CWH43: variants seen among roughly 807,000 people sequenced by gnomAD.
CWH43 encodes cell wall biogenesis 43 C-terminal homolog, also known as PGAP2-interacting protein.
Under a neutral mutation model 85.7 loss-of-function variants are expected in CWH43, and 91 were observed. That is an observed-to-expected ratio of 1.06 (90% CI 0.90 to 1.26). The LOEUF (loss-of-function observed/expected upper bound fraction) is 1.26, where lower values mean the gene tolerates loss of function less well. Ranked by LOEUF, CWH43 falls within the 50% of genes most tolerant of loss-of-function variation. The probability of loss-of-function intolerance (pLI) is 0.00; values close to 1 mark genes in which losing one functional copy is unlikely to be tolerated. For missense variants in CWH43, 869 were observed against 839.2 expected, an observed-to-expected ratio of 1.04 and a Z score of -0.44; for synonymous variants, 323 against 293.6, an observed-to-expected ratio of 1.10 and a Z score of -1.02.
intron 6 of CWH43, among the ~76,000 whole-genome samples, chr4:48,999,705 G>T (rs1782929412): frequency 6.6e-6 from 1 of 152,180 alleles, no homozygotes; most frequent in African/African-American, 2.4e-5. Context: ...CACTCTTCAA[G>T]ATTCCTTGCT....
chr4:49,009,233 A>G (rs1256670077), intron 8 of CWH43, among the ~76,000 whole-genome samples: 1 of 152,068 alleles, frequency 6.6e-6, no homozygotes, highest in Non-Finnish European at 1.5e-5. Context: ...TTCTCTTTGT[A>G]GCAATTGTGA....
chr4:49,046,987 T>C (rs1784645150), intron 14 of CWH43, among the ~76,000 whole-genome samples: 1 of 152,306 alleles, frequency 6.6e-6, no homozygotes, highest in Admixed American at 6.5e-5. Context: ...TGTGGGCTCC[T>C]AGGACTGACT....
chr4:49,012,606 G>A (rs1451698777), intron 8 of CWH43, among the ~76,000 whole-genome samples: 2 of 152,152 alleles, frequency 1.3e-5, no homozygotes, highest in Non-Finnish European at 2.9e-5. Flanking sequence ...CCATCTTTGT[G>A]GTTTTATCTA....
At chr4:49,031,399 G>T (rs1207937526) in intron 11 of CWH43, 2 of 154,232 alleles carry the variant, frequency 1.3e-5, no homozygotes, top group East Asian at 1.9e-4. Context: ...TGGTCAGGAA[G>T]GTCTCTGCAA....
intron 10 of CWH43, among the ~76,000 whole-genome samples, chr4:49,029,968 T>C (rs1240713807): frequency 6.6e-6 from 1 of 152,336 alleles, no homozygotes; most frequent in Non-Finnish European, 1.5e-5. Context: ...GTCCTCTGTA[T>C]GCTGAGCACC....
chr4:49,049,855 C>T (rs1248180189), intron 14 of CWH43, among the ~76,000 whole-genome samples: 1 of 152,174 alleles, frequency 6.6e-6, no homozygotes, highest in Non-Finnish European at 1.5e-5. Context: ...GTCCTTCTTA[C>T]ACTGCATTCA....
At chr4:48,997,216 A>G (rs1335857252) in intron 5 of CWH43, among the ~76,000 whole-genome samples, 1 of 129,824 alleles carries the variant, frequency 7.7e-6, no homozygotes, top group East Asian at 2.1e-4. Context: ...ACACCTGGCT[A>G]ACTTAAAACT....
intron 7 of CWH43, among the ~76,000 whole-genome samples, chr4:49,005,596 G>C (rs1577664731): frequency 2.7e-5 from 3 of 112,204 alleles, no homozygotes; most frequent in African/African-American, 6.9e-5. Flanking sequence ...GTCTTGTTCT[G>C]TTCCTCCAGC....
chr4:49,045,434 T>A (rs1174228337), intron 14 of CWH43, among the ~76,000 whole-genome samples: 5 of 152,222 alleles, frequency 3.3e-5, no homozygotes, highest in Non-Finnish European at 7.3e-5. Flanking sequence ...TTAATGATAT[T>A]TTTGTTCAAT....
chr4:48,990,765 C>T (rs764028715), intron 2 of CWH43, among the ~76,000 whole-genome samples: 10 of 152,176 alleles, frequency 6.6e-5, no homozygotes, highest in Non-Finnish European at 1.0e-4. Flanking sequence ...GATCTAACAA[C>T]TCTATTCCTT....
intron 15 of CWH43, among the ~76,000 whole-genome samples, chr4:49,052,731 A>G (rs1784836731): frequency 6.6e-6 from 1 of 152,254 alleles, no homozygotes; most frequent in Non-Finnish European, 1.5e-5. Flanking sequence ...TAGTAAAGGC[A>G]TAAATAGAAG....
At chr4:49,016,596 T>C (rs1783555232) in intron 8 of CWH43, 2 of 729,940 alleles carry the variant, frequency 2.7e-6, no homozygotes, top group Non-Finnish European at 2.5e-6. Flanking sequence ...TAAAGGAAGG[T>C]ACAGTTTGGA....
rs1784315147 is a variant in CWH43 at position 49,038,072 on chromosome 4, T to C, written c.1695T>C (p.Val565=). 6.2e-7 allele frequency: 1 copy of C among 1,612,510 alleles called. No homozygotes were observed. The highest frequency in any genetic ancestry group is 8.5e-7 in the Non-Finnish European group (1 of 1,179,502). The stretch of plus-strand genomic sequence containing the variant: ...ACAGGAAACTGCAGGCTATTGCTGT[T>C]TCAAAACTACTGAAAAGTAGCTCTA... ...DLDRKLQAIA[V]SKLLKSSSNQ... The change falls in exon 13 of 16, where the codon GTT becomes GTC. Residue 565 remains valine, a synonymous_variant. Coordinates refer to ENST00000226432, the MANE Select transcript of CWH43 (RefSeq NM_025087.3).
chr4:49,039,382 GAT>G (rs36177079), intron 13 of CWH43, among the ~76,000 whole-genome samples: 2 of 86,062 alleles, frequency 2.3e-5, no homozygotes, highest in African/African-American at 4.6e-5. Flanking sequence ...TATATATACT[GAT>G]ATATATATAC....
chr4:49,060,937 T>C (rs1484856401), intron 15 of CWH43, among the ~76,000 whole-genome samples: 1 of 152,232 alleles, frequency 6.6e-6, no homozygotes, highest in Non-Finnish European at 1.5e-5. Context: ...TTCTATTTGC[T>C]AATCTGATTC....
intron 12 of CWH43, among the ~76,000 whole-genome samples, chr4:49,037,441 G>A (rs540666049): frequency 2.6e-5 from 4 of 152,102 alleles, no homozygotes; most frequent in Admixed American, 1.3e-4. Flanking sequence ...ATGGTAGTGT[G>A]CACCTGTCAT....
chr4:48,991,927 C>T lies in CWH43; in HGVS notation c.357-9C>T. The T allele has an allele frequency of 3.1e-6, 5 of 1,608,502 alleles. No individual in the cohort carries two copies. Among genetic ancestry groups the T allele is most frequent in the Non-Finnish European group, 4.3e-6 (5 of 1,176,024 alleles). ...TAAAAAGTGTTTAAAAATACTTTTGCACTTACAGGTACCTCAGAATTTGGG... is the reference window on the plus strand; with the variant it reads ...TAAAAAGTGTTTAAAAATACTTTTGTACTTACAGGTACCTCAGAATTTGGG... On this transcript the variant is annotated splice_polypyrimidine_tract_variant and intron_variant, in intron 3 of 15. Transcript: ENST00000226432.
chr4:49,048,677 T>G (rs1784706617), intron 14 of CWH43, among the ~76,000 whole-genome samples: 1 of 152,008 alleles, frequency 6.6e-6, no homozygotes, highest in South Asian at 2.1e-4. Context: ...TGTCTCTTCT[T>G]ATAAAGCCAT....
intron 9 of CWH43, among the ~76,000 whole-genome samples, chr4:49,026,210 C>T (rs566453107): frequency 1.3e-5 from 2 of 152,194 alleles, no homozygotes; most frequent in Non-Finnish European, 2.9e-5. Flanking sequence ...ACCGTGCCCC[C>T]ACAACAGCAC....
Sources: allele counts gnomAD v4.1 joint callset (sites outside exome capture counted in the v4.1 genomes callset), GRCh38; gene constraint gnomAD v4.1.1; transcripts MANE v1.5; gene names NCBI Gene and HGNC (gene_info 2026-07-23, HGNC 2026-07-21).